SERPINI1: variants seen among roughly 807,000 people sequenced by gnomAD.
SERPINI1 encodes serpin family I member 1.
A neutral mutation model predicts 41.1 loss-of-function variants in SERPINI1; 19 were observed. The ratio of observed to expected loss-of-function variants is 0.46; its 90% confidence interval spans 0.32 to 0.68. The LOEUF is 0.68. SERPINI1 is among the 30% of genes least tolerant of loss of function. The probability of loss-of-function intolerance (pLI) is 0.03; values close to 1 mark genes in which losing one functional copy is unlikely to be tolerated. For missense variants in SERPINI1, 460 were observed against 479.2 expected (o/e 0.96, Z 0.37); for synonymous variants, 138 against 156.6 (o/e 0.88, Z 0.89).
chr3:167,791,667 A>G (rs1032800066), intron 3 of SERPINI1, among the ~76,000 whole-genome samples: 1 of 152,218 alleles, frequency 6.6e-6, no homozygotes, highest in African/African-American at 2.4e-5. Context: ...ATAGATTTGG[A>G]AAGGAATATT....
At chr3:167,813,633 C>T (rs1031196754) in intron 6 of SERPINI1, among the ~76,000 whole-genome samples, 5 of 152,166 alleles carry the variant, frequency 3.3e-5, no homozygotes, top group African/African-American at 1.2e-4. Flanking sequence ...GTTTACTTTT[C>T]CTTATGTGGA....
intron 3 of SERPINI1, among the ~76,000 whole-genome samples, chr3:167,792,140 C>A (rs74512516): frequency 0.12 from 18,710 of 151,840 alleles, 1,494 homozygotes; most frequent in Non-Finnish European, 0.18. Context: ...AACAAACAAA[C>A]AAAAAACAGA....
intron 1 of SERPINI1, among the ~76,000 whole-genome samples, chr3:167,754,269 A>G (rs77944020): frequency 2.9e-3 from 440 of 152,340 alleles, no homozygotes; most frequent in Non-Finnish European, 4.5e-3. Context: ...TCACCAACCA[A>G]TTGAACCACA....
At chr3:167,745,673 A>G (rs148448614) in intron 1 of SERPINI1, among the ~76,000 whole-genome samples, 4 of 152,234 alleles carry the variant, frequency 2.6e-5, no homozygotes, top group Non-Finnish European at 5.9e-5. Context: ...TAAAGAATCC[A>G]CATGAAAAAC....
intron 1 of SERPINI1, among the ~76,000 whole-genome samples, chr3:167,745,898 A>G (rs950041027): frequency 4.6e-5 from 7 of 152,192 alleles, no homozygotes; most frequent in African/African-American, 1.7e-4. Context: ...ACAAAACATC[A>G]CAAAGAAATT....
intron 1 of SERPINI1, among the ~76,000 whole-genome samples, chr3:167,744,288 C>G (rs570811795): frequency 6.6e-6 from 1 of 152,100 alleles, no homozygotes; most frequent in South Asian, 2.1e-4. Flanking sequence ...TACACAGTAA[C>G]TGGCGTGTAG....
intron 1 of SERPINI1, among the ~76,000 whole-genome samples, chr3:167,774,492 C>T (rs1211641708): frequency 6.6e-6 from 1 of 152,098 alleles, no homozygotes; most frequent in East Asian, 1.9e-4. Context: ...AACCTCATAC[C>T]TGATCTTATA....
chr3:167,824,324 A>G (rs1712444940), intron 7 of SERPINI1, 149 bp from the exon 8 acceptor site: 2 of 584,836 alleles, frequency 3.4e-6, no homozygotes, highest in Non-Finnish European at 6.1e-6. Context: ...TAACACCTTT[A>G]TAATTTTTCT....
intron 1 of SERPINI1, among the ~76,000 whole-genome samples, chr3:167,765,371 G>A (rs1353083189): frequency 1.3e-5 from 2 of 152,194 alleles, no homozygotes; most frequent in Admixed American, 6.5e-5. Context: ...AGCTGCCAAG[G>A]CTTGAAGCTT....
At chr3:167,793,842 G>A (rs1727621912) in intron 4 of SERPINI1, among the ~76,000 whole-genome samples, 1 of 147,714 alleles carries the variant, frequency 6.8e-6, no homozygotes, top group Non-Finnish European at 1.5e-5. Flanking sequence ...ATATGTATGT[G>A]TGTGTGTGTG....
At chr3:167,738,597 C>A (rs1015403951) in intron 1 of SERPINI1, among the ~76,000 whole-genome samples, 1 of 151,594 alleles carries the variant, frequency 6.6e-6, no homozygotes, top group South Asian at 2.1e-4. Flanking sequence ...ACCTTTTCTC[C>A]CCCAGTCATT....
chr3:167,798,567 G>T (rs1727788610), intron 5 of SERPINI1, among the ~76,000 whole-genome samples: 1 of 151,910 alleles, frequency 6.6e-6, no homozygotes, highest in Non-Finnish European at 1.5e-5. Context: ...TATACTCTGT[G>T]TTTACTCAAG....
At chr3:167,791,268 A>C (rs1265831959) in intron 3 of SERPINI1, among the ~76,000 whole-genome samples, 2 of 152,190 alleles carry the variant, frequency 1.3e-5, no homozygotes, top group Non-Finnish European at 2.9e-5. Context: ...ATTAAAAGTA[A>C]ATTTTTATAG....
intron 5 of SERPINI1, among the ~76,000 whole-genome samples, chr3:167,803,236 C>G (rs1191772180): frequency 1.3e-5 from 2 of 151,276 alleles, no homozygotes; most frequent in Non-Finnish European, 1.5e-5. Flanking sequence ...TGTAACTAAC[C>G]TGCACATTGT....
chr3:167,764,918 C>G (rs955698822), intron 1 of SERPINI1, among the ~76,000 whole-genome samples: 4 of 152,222 alleles, frequency 2.6e-5, no homozygotes, highest in Admixed American at 2.6e-4. Flanking sequence ...CCAAAATGAT[C>G]TCCTTTGACT....
chr3:167,759,406 A>ATATATATATATATATATATC (rs1726304187), intron 1 of SERPINI1, among the ~76,000 whole-genome samples: 1 of 143,464 alleles, frequency 7.0e-6, no homozygotes, highest in African/African-American at 2.8e-5. Context: ...TGTGGTATAT[A>ATATATATATATATATATATC]TATATATATA....
chr3:167,821,991 G>A (rs1014454033), intron 6 of SERPINI1, among the ~76,000 whole-genome samples: 3 of 152,162 alleles, frequency 2.0e-5, no homozygotes, highest in Non-Finnish European at 2.9e-5. Flanking sequence ...ATTGGATGAG[G>A]CCTACCCACA....
intron 3 of SERPINI1, among the ~76,000 whole-genome samples, chr3:167,792,249 G>A (rs147732101): frequency 6.6e-6 from 1 of 152,122 alleles, no homozygotes; most frequent in Admixed American, 6.6e-5. Context: ...TATATTGTAT[G>A]TGGTTCTGTA....
intron 1 of SERPINI1, among the ~76,000 whole-genome samples, chr3:167,750,224 G>T (rs1455605482): frequency 6.6e-6 from 1 of 152,146 alleles, no homozygotes; most frequent in Non-Finnish European, 1.5e-5. Flanking sequence ...GTCACTACAT[G>T]TATATGTTAC....
Sources: gnomAD v4.1 joint callset for allele counts (sites outside exome capture counted in the v4.1 genomes callset) on GRCh38, gnomAD v4.1.1 for gene constraint, MANE v1.5 for transcripts, NCBI Gene and HGNC (gene_info 2026-07-23, HGNC 2026-07-21) for gene names.